TBCD: variants seen among roughly 807,000 people sequenced by gnomAD.
TBCD encodes tubulin folding cofactor D.
TBCD carries 105 observed loss-of-function variants against 169.3 expected under a neutral mutation model. That is an observed-to-expected ratio of 0.62 (90% CI 0.53 to 0.73). The LOEUF is 0.73. TBCD is among the 30% of genes least tolerant of loss of function. The probability of loss-of-function intolerance (pLI) is 0.00; values close to 1 mark genes in which losing one functional copy is unlikely to be tolerated. For missense variants in TBCD, 1,444 were observed against 1,600.1 expected (o/e 0.90, Z 1.66); for synonymous variants, 700 against 643.9 (o/e 1.09, Z -1.32).
intron 22 of TBCD, among the ~76,000 whole-genome samples, chr17:82,911,448 A>G (rs2060635870): frequency 6.6e-6 from 1 of 152,138 alleles, no homozygotes. Context: ...GGCATCTGAG[A>G]TTAGTTTCTA....
rs1220514007 is a variant in TBCD, at chr17:82,782,542, A to G, written c.771+821A>G. 2.6e-5 allele frequency among the ~76,000 whole-genome samples: 4 copies of G among 152,134 alleles called. No homozygotes were observed. Among genetic ancestry groups the G allele is most frequent in the Non-Finnish European group, 4.4e-5 (3 of 67,986 alleles). On this transcript the variant is annotated intron_variant, in intron 7 of 38. Transcript: ENST00000355528. This position sits in a 1 kb window ranked among gnomAD's most constrained non-coding sequence, Gnocchi z 5.1. ...TATTTTATAGAGACAGGGTCTTGCT[A>G]TGTAGGTCAGGGTGGTCTTAAACTC...
chr17:82,828,969 C>G (rs894763235), intron 13 of TBCD, among the ~76,000 whole-genome samples: 2 of 147,104 alleles, frequency 1.4e-5, no homozygotes, highest in East Asian at 4.1e-4. Context: ...ACGTGCATAC[C>G]CACACAATCC....
At chr17:82,846,936 G>A (rs541363802) in intron 13 of TBCD, among the ~76,000 whole-genome samples, 219 of 147,856 alleles carry the variant, frequency 1.5e-3, no homozygotes, top group Middle Eastern at 3.4e-3. Context: ...CTGCACCCCC[G>A]GGGTCCTCAC....
chr17:82,877,384 C>T (rs150786753), intron 14 of TBCD, among the ~76,000 whole-genome samples: 1,970 of 152,078 alleles, frequency 0.013, 58 homozygotes, highest in African/African-American at 0.045. Context: ...CTTCCTCTGT[C>T]GCCCAGGCTG....
intron 7 of TBCD, among the ~76,000 whole-genome samples, chr17:82,783,899 C>T (rs1467317125): frequency 1.3e-5 from 2 of 152,248 alleles, no homozygotes; most frequent in East Asian, 3.9e-4. Flanking sequence ...CCGAGGCAGG[C>T]AGATTACTTG....
chr17:82,893,739 T>C (rs1452661833), intron 17 of TBCD, 107 bp downstream of exon 17: 2 of 779,786 alleles, frequency 2.6e-6, no homozygotes, highest in Non-Finnish European at 4.1e-6. Flanking sequence ...GTCCACTCAA[T>C]GGAATGTAGT....
At chr17:82,926,611 C>G (rs2061784821) in intron 28 of TBCD, 120 bp downstream of exon 28, 1 of 810,850 alleles carries the variant, frequency 1.2e-6, no homozygotes, top group African/African-American at 1.7e-5. Context: ...TAGGTTTCCT[C>G]TCTTCCAGAG....
At chr17:82,906,139 C>G (rs986117212) in intron 20 of TBCD, 86 bp downstream of exon 20, 74 of 1,025,942 alleles carry the variant, frequency 7.2e-5, no homozygotes, top group Non-Finnish European at 1.0e-4. Context: ...GTTCGAGACT[C>G]TCTCATCCCT....
intron 4 of TBCD, among the ~76,000 whole-genome samples, chr17:82,767,630 A>G (rs1210689709): frequency 6.6e-6 from 1 of 151,970 alleles, no homozygotes; most frequent in East Asian, 1.9e-4. Flanking sequence ...TAGTAGAAAC[A>G]GGGTTTCTCC....
rs548988463 is a variant in TBCD, at chr17:82,870,432, CGT to C, written c.1475+57_1475+58del. On this transcript the variant is annotated intron_variant, in intron 14 of 38. Transcript: ENST00000355528. ...GATGCGCCGTGCCCCCTGACGGCGC[CGT>C]GTGTCGTTTCCTCCATGAGAGGTGT... is the stretch of plus-strand genomic sequence containing the variant. 748 of 1,579,128 alleles carry C rather than the reference CGT, an allele frequency of 4.7e-4. 11 individuals carry two copies. In the South Asian group the frequency reaches 8.2e-3, roughly 17 times the overall value.
intron 9 of TBCD, among the ~76,000 whole-genome samples, chr17:82,805,051 C>A (rs778190321): frequency 6.6e-6 from 1 of 152,216 alleles, no homozygotes; most frequent in Non-Finnish European, 1.5e-5. Flanking sequence ...TGCATGAGAC[C>A]GGGGAAGCAG....
At chr17:82,878,549 GC>G (rs374602655) in intron 14 of TBCD, among the ~76,000 whole-genome samples, 3,760 of 32,892 alleles carry the variant, frequency 0.11, 178 homozygotes, top group African/African-American at 0.24. Context: ...GAGGTGACCT[GC>G]CCTCCTCCGT....
chr17:82,842,859 C>T (rs1327621591), intron 13 of TBCD, among the ~76,000 whole-genome samples: 1 of 149,954 alleles, frequency 6.7e-6, no homozygotes, highest in Non-Finnish European at 1.5e-5. Context: ...CGGCTCACTG[C>T]AAACTCCACC....
At position 82,926,982 on chromosome 17, in the gene TBCD, G is replaced by A. The variant is rs116287484; in HGVS notation, c.2472-204G>A. 1,649 of 698,902 alleles carry A rather than the reference G, an allele frequency of 2.4e-3. 21 individuals are homozygous for A. The African/African-American group carries it at 0.026, about 11-fold the overall frequency. 43.3% of individuals were successfully genotyped at this position (698,902 alleles called of 1,614,324 possible). A position where few individuals can be genotyped will look rare whatever the true frequency, so the allele number is the denominator to read the frequency against. On this transcript the variant is annotated intron_variant, in intron 28 of 38. Coordinates refer to ENST00000355528, the MANE Select transcript of TBCD (RefSeq NM_005993.5). Reference sequence around the variant, plus strand: ...GGGCGTCCCCATCCACCTTTCAACCGGAGAGACGGCAGAGCGTGACCTCGG... The same window carrying A: ...GGGCGTCCCCATCCACCTTTCAACCAGAGAGACGGCAGAGCGTGACCTCGG...
At position 82,850,112 on chromosome 17, in the gene TBCD, GC is replaced by G. The variant is rs1332045715; in HGVS notation, c.1319-20111del. ...TGTTGGCTGTGCTGCTGTTGGCTGT[GC>G]TGCTGTTGGCTGTGTTGTTGTTGGC... On this transcript the variant is annotated intron_variant, in intron 13 of 38. Transcript: ENST00000355528. Among the ~76,000 whole-genome samples the G allele has an allele frequency of 3.3e-4, 31 of 93,108 alleles. 9 individuals are homozygous for G. The highest frequency in any genetic ancestry group is 1.4e-3 in the African/African-American group (27 of 19,196). 61.1% of individuals were successfully genotyped at this position (93,108 alleles called of 152,430 possible). A position where few individuals can be genotyped will look rare whatever the true frequency, so the allele number is the denominator to read the frequency against.
intron 7 of TBCD, among the ~76,000 whole-genome samples, chr17:82,790,341 G>T (rs577405896): frequency 6.6e-6 from 1 of 152,344 alleles, no homozygotes; most frequent in South Asian, 2.1e-4. Flanking sequence ...CTGCTGTCCT[G>T]TGGCCTGCGT....
Position 82,841,901 on chromosome 17 carries a change from C to T in TBCD, c.1318+26967C>T, listed in dbSNP as rs377679957. ...ATCCTGAGATCAGCTGGAACCTCAT[C>T]CTCACTTAGTAGCACTTCAGAGGCC... On this transcript the variant is annotated intron_variant, in intron 13 of 38. Transcript: ENST00000355528. Among the ~76,000 whole-genome samples the T allele has an allele frequency of 3.9e-5, 6 of 152,296 alleles. No homozygotes were observed. In the South Asian group the frequency reaches 8.3e-4, roughly 21 times the overall value.
rs1162796814 is a variant in TBCD at position 82,835,537 on chromosome 17, C to T, written c.1318+20603C>T. On this transcript the variant is annotated intron_variant, in intron 13 of 38. Transcript: ENST00000355528. The surrounding 1 kb of genome is among the most constrained non-coding windows in gnomAD (Gnocchi z 4.5). ...TCCTGGGTTCAAGAGATTCTCCTGC[C>T]TCAGCCTCCCTAGTAGCTGGGATTA... 6.6e-6 allele frequency among the ~76,000 whole-genome samples: 1 copy of T among 152,164 alleles called. No homozygotes were observed. Among genetic ancestry groups the T allele is most frequent in the African/African-American group, 2.4e-5 (1 of 41,436 alleles).
In TBCD at chr17:82,930,884, C is replaced by G. The variant is rs544389730; in HGVS notation, c.3113+241C>G. On this transcript the variant is annotated intron_variant, in intron 33 of 38. Transcript: ENST00000355528. The surrounding 1 kb of genome is among the most constrained non-coding windows in gnomAD (Gnocchi z 5.2). Reference sequence around the variant, plus strand: ...CCTCCACATGAGGCAGGGAAATGACCGTTGTGTGTACAATGGACGTAAAGG... The same window carrying G: ...CCTCCACATGAGGCAGGGAAATGACGGTTGTGTGTACAATGGACGTAAAGG... 2.0e-5 allele frequency among the ~76,000 whole-genome samples: 3 copies of G among 152,170 alleles called. No homozygotes were observed. The highest frequency in any genetic ancestry group is 7.2e-5 in the African/African-American group (3 of 41,418).
Sources: allele counts gnomAD v4.1 joint callset (sites outside exome capture counted in the v4.1 genomes callset), GRCh38; gene constraint gnomAD v4.1.1; non-coding constraint Gnocchi (gnomAD v3.1); transcripts MANE v1.5; gene names NCBI Gene and HGNC (gene_info 2026-07-23, HGNC 2026-07-21).